Variants in TTC22 observed in about 807,000 individuals in gnomAD.
TTC22 encodes the protein tetratricopeptide repeat protein 22.
In TTC22, 42 loss-of-function variants were observed where a neutral mutation model predicts 48.2. The ratio of observed to expected loss-of-function variants is 0.87; its 90% CI spans 0.68 to 1.13. The LOEUF (loss-of-function observed/expected upper bound fraction) is 1.13. TTC22 is among the 50% of genes most tolerant of loss of function. The pLI is 0.00. For synonymous variants in TTC22, 345 were observed against 365.5 expected (o/e 0.94, Z 0.64); for missense variants, 784 against 807.0 (o/e 0.97, Z 0.34).
Position 54,786,119 on chromosome 1 carries a change from G to C in TTC22, c.884C>G (p.Pro295Arg). 1 of 1,614,142 alleles carries C rather than the reference G, an allele frequency of 6.2e-7. No homozygotes were observed. The highest frequency in any genetic ancestry group is 8.5e-7 in the Non-Finnish European group (1 of 1,179,992). ...GKAIEIAKNQPPILNRLAKIF... is the reference protein window; with the variant it reads ...GKAIEIAKNQRPILNRLAKIF... The stretch of plus-strand genomic sequence containing the variant: ...TTTTGCCAGGCGATTCAGGATGGGA[G>C]GTTGGTTCTTGGCAATCTCAATGGC... The change falls in exon 5 of 7, where the codon CCT becomes CGT. Residue 295 changes from proline (P) to arginine (R), a missense_variant. Coordinates refer to ENST00000371276, the MANE Select transcript of TTC22 (RefSeq NM_001114108.2).
In TTC22 at chr1:54,800,747, G is replaced by A. The variant is rs1366383696; in HGVS notation, c.417C>T (p.Ala139=). The change falls in exon 1 of 7, where the codon GCC becomes GCT. Residue 139 remains alanine, a synonymous_variant. Coordinates refer to ENST00000371276, the MANE Select transcript of TTC22 (RefSeq NM_001114108.2). ...LMGLAEEPEA[A]GDPQLRAARC... ...GAGCGGCGCGGAGCTGGGGGTCCCC[G>A]GCGGCCTCGGGCTCCTCTGCCAGGC... is the stretch of plus-strand genomic sequence containing the variant. The A allele has an allele frequency of 5.8e-6, 9 of 1,545,506 alleles. No homozygotes were observed. Among genetic ancestry groups the A allele is most frequent in the East Asian group, 2.4e-5 (1 of 41,180 alleles).
chr1:54,787,932 C>G (rs929169885), intron 2 of TTC22, 106 bp from the exon 3 acceptor site: 7 of 1,477,150 alleles, frequency 4.7e-6, no homozygotes, highest in Admixed American at 1.7e-5. Flanking sequence ...GTTTGGGGAG[C>G]CCTTTCCAGT....
chr1:54,800,726 G>C lies in TTC22; in HGVS notation c.438C>G (p.Ala146=). Residue 146 remains alanine (A), a synonymous_variant, in exon 1 of 7, where the codon GCC becomes GCG. Coordinates refer to ENST00000371276, the MANE Select transcript of TTC22 (RefSeq NM_001114108.2). ...AGCCCTGCTCGGCCAGGCAGCGAGC[G>C]GCGCGGAGCTGGGGGTCCCCGGCGG... is the stretch of plus-strand genomic sequence containing the variant. ...PEAAGDPQLR[A]ARCLAEQGYA... 6.5e-7 allele frequency: 1 copy of C among 1,542,992 alleles called. No homozygotes were observed. The highest frequency in any genetic ancestry group is 8.7e-7 in the Non-Finnish European group (1 of 1,149,842).
rs1646257214 is a variant in TTC22, at chr1:54,781,052, CCTT to C, written c.*188_*190del. On this transcript the variant is annotated 3_prime_UTR_variant, in exon 7 of 7. Coordinates refer to ENST00000371276, the MANE Select transcript of TTC22 (RefSeq NM_001114108.2). The stretch of plus-strand genomic sequence containing the variant: ...GCCTCTTCTGCTCTCGGGAATCAGG[CCTT>C]CCAGTCTGGGTGGGCGTTTCAAACC... 3 of 417,814 alleles carry C rather than the reference CCTT, an allele frequency of 7.2e-6. No homozygotes were observed. Among genetic ancestry groups the C allele is most frequent in the African/African-American group, 2.1e-5 (1 of 48,108 alleles). 25.9% of individuals were successfully genotyped at this position (417,814 alleles called of 1,614,324 possible).
intron 1 of TTC22, among the ~76,000 whole-genome samples, chr1:54,797,663 T>C (rs1646402931): frequency 6.6e-6 from 1 of 152,134 alleles, no homozygotes; most frequent in Admixed American, 6.5e-5. Context: ...TGGTAGGGAA[T>C]GAAGAGCAAA....
rs1395732297 is a variant in TTC22, at chr1:54,787,362, T to C, written c.740-287A>G. Reference sequence around the variant, plus strand: ...CAGCTCTCACCAGCTCTGGTGGTTCTAGTCCCTGCTCTTGCTGTCTGGCCC... The same window carrying C: ...CAGCTCTCACCAGCTCTGGTGGTTCCAGTCCCTGCTCTTGCTGTCTGGCCC... On this transcript the variant is annotated intron_variant, in intron 3 of 6. Coordinates refer to ENST00000371276, the MANE Select transcript of TTC22 (RefSeq NM_001114108.2). 4.5e-5 allele frequency: 25 copies of C among 561,578 alleles called. No individual in the cohort carries two copies. The East Asian group carries it at 6.4e-4, about 14-fold the overall frequency. 34.8% of individuals were successfully genotyped at this position (561,578 alleles called of 1,614,324 possible).
intron 1 of TTC22, among the ~76,000 whole-genome samples, chr1:54,791,504 T>C (rs76034260): frequency 0.094 from 14,330 of 152,234 alleles, 861 homozygotes; most frequent in Non-Finnish European, 0.14. Context: ...TGTTCCCTTT[T>C]TCCTGGTCTG....
chr1:54,781,681 C>G lies in TTC22; in HGVS notation c.1272G>C (p.Glu424Asp), dbSNP rs773117637. Residue 424 changes from glutamate to aspartate, a missense_variant, in exon 7 of 7, where the codon GAG becomes GAC. Physicochemically the swap from Glu to Asp is conservative, Grantham distance 45. Transcript: ENST00000371276. ...QALVFLAKAG[E>D]SELGATLPEL... Reference sequence around the variant, plus strand: ...CGGGCAGCGTGGCACCCAGCTCCGACTCGCCCGCCTTGGCCAGGAACACCA... The same window carrying G: ...CGGGCAGCGTGGCACCCAGCTCCGAGTCGCCCGCCTTGGCCAGGAACACCA... The G allele has an allele frequency of 1.3e-6, 2 of 1,530,780 alleles. No individual in the cohort carries two copies. Among genetic ancestry groups the G allele is most frequent in the Admixed American group, 3.9e-5 (2 of 50,700 alleles). The allele number at this position is 1,530,780 out of a possible 1,614,324, so 94.8% of individuals were successfully genotyped here.
At chr1:54,782,511 C>G in intron 5 of TTC22, 34 bp from the exon 6 acceptor site, 1 of 1,519,444 alleles carries the variant, frequency 6.6e-7, no homozygotes, top group Non-Finnish European at 8.9e-7. Flanking sequence ...GAAAGATGAT[C>G]CAGGCAAGGG....
intron 1 of TTC22, among the ~76,000 whole-genome samples, chr1:54,795,600 CTT>C (rs1646384486): frequency 6.6e-6 from 1 of 152,202 alleles, no homozygotes; most frequent in South Asian, 2.1e-4. Flanking sequence ...GCAGAAGTCT[CTT>C]ACCCTCTGCA....
At position 54,787,872 on chromosome 1, in the gene TTC22, G is replaced by A. The variant is rs201403996; in HGVS notation, c.624-46C>T. 3.5e-4 allele frequency: 546 copies of A among 1,543,792 alleles called. 2 individuals are homozygous for A. The African/African-American group carries it at 5.0e-3, about 14-fold the overall frequency. ...TGGTTGGGTGGCACCCCTCCCGGCT[G>A]TCCTGTGTGCTGCCAGCCCTGCCCA... is the stretch of plus-strand genomic sequence containing the variant. On this transcript the variant is annotated intron_variant, in intron 2 of 6. Transcript: ENST00000371276.
chr1:54,781,295 C>T lies in TTC22; in HGVS notation c.1658G>A (p.Arg553His). 3 of 1,475,734 alleles carry T rather than the reference C, an allele frequency of 2.0e-6. No homozygotes were observed. Among genetic ancestry groups the T allele is most frequent in the Non-Finnish European group, 2.7e-6 (3 of 1,121,688 alleles). The allele number at this position is 1,475,734 out of a possible 1,614,324, so 91.4% of individuals were successfully genotyped here. Residue 553 changes from arginine to histidine, a missense_variant, in exon 7 of 7, where the codon CGC becomes CAC. Arg to His is a conservative substitution (Grantham distance 29, BLOSUM62 0). Coordinates refer to ENST00000371276, the MANE Select transcript of TTC22 (RefSeq NM_001114108.2). The stretch of plus-strand genomic sequence containing the variant: ...CGGCGCGCTGGCGCCCTCGCCCTCG[C>T]GCTCCATGGTCTCGAAGAGCAGCCG... ...LVRLLFETME[R>H]EGEGASAPRD...
chr1:54,794,588 A>C (rs664622), intron 1 of TTC22: 35,697 of 152,010 alleles, frequency 0.23, 4,320 homozygotes, highest in East Asian at 0.45. Context: ...CAGTTCCTGA[A>C]AGCTGACTAA....
rs1247588249 is a variant in TTC22 at position 54,781,476 on chromosome 1, G to A, written c.1477C>T (p.Leu493=). The change falls in exon 7 of 7, where the codon CTG becomes TTG. Residue 493 remains leucine, a synonymous_variant. Coordinates refer to ENST00000371276, the MANE Select transcript of TTC22 (RefSeq NM_001114108.2). ...AGCCAGGCGTCCACCTCGCGGCCCA[G>A]CTCCCCGTCGCTCAGCTGTGCCTGG... The part of the protein sequence containing the change: ...WSQAQLSDGE[L]GREVDAWLRR... The A allele has an allele frequency of 6.8e-7, 1 of 1,470,876 alleles. No homozygotes were observed. Among genetic ancestry groups the A allele is most frequent in the African/African-American group, 1.5e-5 (1 of 67,706 alleles). The allele number at this position is 1,470,876 out of a possible 1,614,324, so 91.1% of individuals were successfully genotyped here.
intron 5 of TTC22, among the ~76,000 whole-genome samples, chr1:54,782,871 A>G (rs989820629): frequency 2.6e-5 from 4 of 152,202 alleles, no homozygotes; most frequent in African/African-American, 9.7e-5. Context: ...GTCAATAGTA[A>G]ACAGTTCTAT....
At chr1:54,782,169 C>G (rs1307132170) in intron 6 of TTC22, among the ~76,000 whole-genome samples, 156 bp downstream of exon 6, 1 of 152,248 alleles carries the variant, frequency 6.6e-6, no homozygotes, top group East Asian at 1.9e-4. Context: ...ACTGTACACA[C>G]GTCTTATTCA....
chr1:54,782,979 G>C (rs1646274873), intron 5 of TTC22, among the ~76,000 whole-genome samples: 1 of 152,208 alleles, frequency 6.6e-6, no homozygotes, highest in Admixed American at 6.5e-5. Context: ...GATTTTGTGA[G>C]AGTCTATGTC....
At chr1:54,783,375 A>G (rs1646277055) in intron 5 of TTC22, among the ~76,000 whole-genome samples, 1 of 152,194 alleles carries the variant, frequency 6.6e-6, no homozygotes, top group Non-Finnish European at 1.5e-5. Context: ...CCTCATTTCT[A>G]TATCTGAAAA....
rs1285687507 is a variant in TTC22, at chr1:54,779,831, TCA to T, written c.*1410_*1411del. 1.3e-5 allele frequency: 2 copies of T among 152,224 alleles called. No homozygotes were observed. Among genetic ancestry groups the T allele is most frequent in the Admixed American group, 1.3e-4 (2 of 15,276 alleles). The allele number at this position is 152,224 out of a possible 1,614,324, so 9.4% of individuals were successfully genotyped here. ...GCAAGCCACTTCCCTTCTATGGCTC[TCA>T]GTTTTCCCATCTGCACAATGAGGGG... On this transcript the variant is annotated 3_prime_UTR_variant, in exon 7 of 7. Transcript: ENST00000371276.
Sources: allele counts gnomAD v4.1 joint callset (sites outside exome capture counted in the v4.1 genomes callset), GRCh38; gene constraint gnomAD v4.1.1; transcripts MANE v1.5; gene names NCBI Gene and HGNC (gene_info 2026-07-23, HGNC 2026-07-21).